SPAG4: variants seen among roughly 807,000 people sequenced by gnomAD.
SPAG4 encodes the protein sperm-associated antigen 4 protein.
Under a neutral mutation model 53.9 loss-of-function variants are expected in SPAG4, and 54 were observed. The observed-to-expected ratio is 1.00, with a 90% CI of 0.80 to 1.26. The LOEUF (loss-of-function observed/expected upper bound fraction) is 1.26. Among genes scored for constraint, SPAG4 ranks in the 50% most tolerant of loss-of-function variants. The pLI is 0.00. For synonymous variants in SPAG4, 246 were observed against 237.4 expected, an observed-to-expected ratio of 1.04 and a Z score of -0.33; for missense variants, 548 against 568.6, an observed-to-expected ratio of 0.96 and a Z score of 0.37.
chr20:35,621,090 T>C lies in SPAG4; in HGVS notation c.*68T>C. On this transcript the variant is annotated 3_prime_UTR_variant, in exon 12 of 12. Coordinates refer to ENST00000374273, the MANE Select transcript of SPAG4 (RefSeq NM_003116.3). ...ACTGGATCAGTGCTTTCGGGGGCTC[T>C]GTTGGGAGAGCTCTGGCTGCCGTTG... 1 of 1,553,972 alleles carries C rather than the reference T, an allele frequency of 6.4e-7. No individual in the cohort carries two copies.
chr20:35,618,445 A>G lies in SPAG4; in HGVS notation c.583-5A>G. ...GGCTCTGTGTTTTGTCCCTTCATCC[A>G]ACAGGAACCTAAGGAGATGCTGACT... is the stretch of plus-strand genomic sequence containing the variant. On this transcript the variant is annotated splice_polypyrimidine_tract_variant and splice_region_variant and intron_variant, in intron 5 of 11. Transcript: ENST00000374273. 6.2e-7 allele frequency: 1 copy of G among 1,614,010 alleles called. No individual in the cohort carries two copies.
At chr20:35,616,948 G>A (rs1176112515) in intron 1 of SPAG4, 188 bp from the exon 2 acceptor site, 4 of 587,010 alleles carry the variant, frequency 6.8e-6, no homozygotes, top group Non-Finnish European at 1.2e-5. Context: ...AACTCTTGAC[G>A]GAGCCTCCCT....
chr20:35,619,155 A>G, intron 8 of SPAG4, 40 bp from the exon 9 acceptor site: 1 of 1,130,580 alleles, frequency 8.8e-7, no homozygotes, highest in Admixed American at 2.0e-5. Flanking sequence ...ACTCCCGGCA[A>G]GGCCTGGGAG....
At chr20:35,619,131 GCCCCCGCGCCCCGACT>G (rs1005606698) in intron 8 of SPAG4, 48 bp from the exon 9 acceptor site, 2 of 565,610 alleles carry the variant, frequency 3.5e-6, no homozygotes, top group Admixed American at 7.3e-5. Context: ...CAGCCCCCGC[GCCCCCGCGCCCCGACT>G]CCCGGCAAGG....
At chr20:35,619,527 G>A in intron 9 of SPAG4, 52 bp from the exon 10 acceptor site, 1 of 1,590,024 alleles carries the variant, frequency 6.3e-7, no homozygotes, top group African/African-American at 1.3e-5. Context: ...GCTGGGGAGC[G>A]GCAGCAGTCG....
Position 35,620,743 on chromosome 20 carries a change from G to T in SPAG4, c.1137G>T (p.Glu379Asp). The change falls in exon 11 of 12, where the codon GAG (glutamate) becomes GAT (aspartate). Residue 379 changes from glutamate to aspartate, a missense_variant. By Grantham distance (45) the Glu-to-Asp change is conservative. Transcript: ENST00000374273. ...TGGGGAAATTCACCTTCGATGTTGA[G>T]AAATCGGAGATTCAGACTTTCCACC... is the stretch of plus-strand genomic sequence containing the variant. ...VSLGKFTFDV[E>D]KSEIQTFHLQ... is the part of the protein sequence containing the mutation. The T allele has an allele frequency of 6.2e-7, 1 of 1,607,452 alleles. No homozygotes were observed.
chr20:35,620,946 C>T lies in SPAG4; in HGVS notation c.1238C>T (p.Thr413Met), dbSNP rs2031561633. Residue 413 changes from threonine (T) to methionine (M), a missense_variant, in exon 12 of 12, where the codon ACG (threonine) becomes ATG (methionine). Transcript: ENST00000374273. ...ILSNWGHPRF[T>M]CLYRVRAHGV... ...AGCAACTGGGGCCACCCCCGTTTCACGTGCTTGTATCGAGTCCGTGCCCAC... is the reference window on the plus strand; with the variant it reads ...AGCAACTGGGGCCACCCCCGTTTCATGTGCTTGTATCGAGTCCGTGCCCAC... 4.3e-6 allele frequency: 7 copies of T among 1,614,086 alleles called. No homozygotes were observed. Among genetic ancestry groups the T allele is most frequent in the South Asian group, 1.1e-5 (1 of 91,096 alleles).
At chr20:35,617,485 G>T in intron 2 of SPAG4, 35 bp from the exon 3 acceptor site, 3 of 1,554,108 alleles carry the variant, frequency 1.9e-6, no homozygotes, top group Non-Finnish European at 2.6e-6. Context: ...TCTCCCTGCC[G>T]TGGGCCCCTC....
chr20:35,616,865 G>A, intron 1 of SPAG4: 1 of 474,086 alleles, frequency 2.1e-6, no homozygotes, highest in Non-Finnish European at 3.8e-6. Context: ...CCCGACCTCA[G>A]GTGATCCGCC....
At position 35,618,680 on chromosome 20, in the gene SPAG4, T is replaced by C. The variant is rs935875558; in HGVS notation, c.677T>C (p.Leu226Pro). Residue 226 changes from leucine to proline, a missense_variant, in exon 7 of 12, where the codon CTC (leucine) becomes CCC (proline). Leu to Pro is a moderately conservative substitution (Grantham distance 98, BLOSUM62 -3). Coordinates refer to ENST00000374273, the MANE Select transcript of SPAG4 (RefSeq NM_003116.3). ...LQQLQAELDK[L>P]HKEVSTVRAA... ...CAGCTCCAGGCCGAGCTGGATAAACTCCACAAGGAGGTGTCCACTGTTCGG... is the reference window on the plus strand; with the variant it reads ...CAGCTCCAGGCCGAGCTGGATAAACCCCACAAGGAGGTGTCCACTGTTCGG... The C allele has an allele frequency of 1.3e-6, 2 of 1,593,334 alleles. No homozygotes were observed. The highest frequency in any genetic ancestry group is 1.7e-6 in the Non-Finnish European group (2 of 1,169,788).
intron 8 of SPAG4, 64 bp from the exon 9 acceptor site, chr20:35,619,131 G>A (rs1386786433): frequency 3.5e-6 from 2 of 565,546 alleles, no homozygotes; most frequent in Non-Finnish European, 5.3e-6. Context: ...CAGCCCCCGC[G>A]CCCCCGCGCC....
rs1452046615 is a variant in SPAG4 at position 35,618,922 on chromosome 20, G to C, written c.718-1G>C. ...CCAGGCCTCGCCCTCCCTCCTTGCA[G>C]AGAGTGGCCAAGCTCGTGTTCCAGA... On this transcript the variant is annotated splice_acceptor_variant, in intron 7 of 11. Transcript: ENST00000374273. LOFTEE classifies it high-confidence loss of function. 1.2e-6 allele frequency: 2 copies of C among 1,614,134 alleles called. No individual in the cohort carries two copies. Among genetic ancestry groups the C allele is most frequent in the Non-Finnish European group, 1.7e-6 (2 of 1,179,940 alleles).
In SPAG4 at chr20:35,617,689, G is replaced by A. The variant is rs80075473; in HGVS notation, c.477-90G>A. The A allele has an allele frequency of 1.5e-3, 2,346 of 1,563,750 alleles. 35 individuals are homozygous for A. In the East Asian group the frequency reaches 0.041, roughly 27 times the overall value. On this transcript the variant is annotated intron_variant, in intron 3 of 11. Coordinates refer to ENST00000374273, the MANE Select transcript of SPAG4 (RefSeq NM_003116.3). ...CTTGAGCCGATTCAGATCTGATTGA[G>A]TCATGTTGGCAAGAGCTGGGTCTAG...
intron 9 of SPAG4, 97 bp downstream of exon 9, chr20:35,619,407 C>T: frequency 7.1e-7 from 1 of 1,403,440 alleles, no homozygotes; most frequent in South Asian, 1.2e-5. Flanking sequence ...GAGCCGAGGG[C>T]GTGGAGGATG....
rs200270010 is a variant in SPAG4, at chr20:35,618,757, C to A, written c.717+37C>A. ...CCCACCTTGGAAACCCCTGATGGAT[C>A]CCTGCTCCCAGGGTCCTGAGACTTA... On this transcript the variant is annotated intron_variant, in intron 7 of 11. Transcript: ENST00000374273. The A allele has an allele frequency of 1.9e-4, 287 of 1,493,534 alleles. No homozygotes were observed. The African/African-American group carries it at 3.5e-3, about 18-fold the overall frequency. The allele number at this position is 1,493,534 out of a possible 1,614,324, so 92.5% of individuals were successfully genotyped here.
In SPAG4 at chr20:35,617,204, G is replaced by A; in HGVS notation, c.373G>A (p.Glu125Lys). The change falls in exon 2 of 12, where the codon GAG (glutamate) becomes AAG (lysine). Residue 125 changes from glutamate (E) to lysine (K), a missense_variant. Coordinates refer to ENST00000374273, the MANE Select transcript of SPAG4 (RefSeq NM_003116.3). ...TCTCCCGACCCTGGATCTGAGGCAG[G>A]AGATGCCTCCCCCGCGGGTGTTCAA... Reference protein sequence around the residue: ...DLLPTLDLRQEMPPPRVFKSF... With the variant: ...DLLPTLDLRQKMPPPRVFKSF... The A allele has an allele frequency of 6.2e-7, 1 of 1,602,704 alleles. No individual in the cohort carries two copies. Among genetic ancestry groups the A allele is most frequent in the Middle Eastern group, 1.8e-4 (1 of 5,684 alleles).
intron 2 of SPAG4, 38 bp from the exon 3 acceptor site, chr20:35,617,482 G>A (rs2031426625): frequency 1.3e-6 from 2 of 1,552,046 alleles, no homozygotes; most frequent in Non-Finnish European, 1.7e-6. Flanking sequence ...GCCTCTCCCT[G>A]CCGTGGGCCC....
At position 35,615,880 on chromosome 20, in the gene SPAG4, G is replaced by A; in HGVS notation, c.-124G>A. ...AGCGGGAGGGCAGGTGCGGCCGCGG[G>A]GCCTGCCGACTTCACGCAGGGTCCG... On this transcript the variant is annotated 5_prime_UTR_variant, in exon 1 of 12. Coordinates refer to ENST00000374273, the MANE Select transcript of SPAG4 (RefSeq NM_003116.3). 1.1e-6 allele frequency: 1 copy of A among 883,364 alleles called. No individual in the cohort carries two copies. Among genetic ancestry groups the A allele is most frequent in the African/African-American group, 1.8e-5 (1 of 56,046 alleles). 54.7% of individuals were successfully genotyped at this position (883,364 alleles called of 1,614,324 possible). A position where few individuals can be genotyped will look rare whatever the true frequency, so the allele number is the denominator to read the frequency against.
chr20:35,616,411 A>G (rs1393564668), intron 1 of SPAG4, 104 bp downstream of exon 1: 7 of 1,406,208 alleles, frequency 5.0e-6, no homozygotes, highest in African/African-American at 1.5e-5. Context: ...ACCTCCTACA[A>G]GGTGGGTCCT....
Sources: gnomAD v4.1 joint callset for allele counts on GRCh38, gnomAD v4.1.1 for gene constraint, MANE v1.5 for transcripts, NCBI Gene and HGNC (gene_info 2026-07-23, HGNC 2026-07-21) for gene names.